Variants in DCAF5 observed in about 807,000 individuals in gnomAD.
The protein encoded by DCAF5 is DDB1- and CUL4-associated factor 5.
DCAF5 carries 9 observed loss-of-function variants against 80.7 expected under a neutral mutation model. That is an observed-to-expected ratio of 0.11 (90% confidence interval 0.07 to 0.19). The LOEUF (loss-of-function observed/expected upper bound fraction) is 0.19. Ranked by LOEUF, DCAF5 falls within the 10% of genes least tolerant of loss-of-function variation. The pLI is 1.00. For missense variants in DCAF5, 842 were observed against 1,205.7 expected (o/e 0.70, Z 4.47); for synonymous variants, 433 against 461.9 (o/e 0.94, Z 0.80).
chr14:69,150,285 C>G (rs189178574), intron 1 of DCAF5, among the ~76,000 whole-genome samples: 2 of 152,128 alleles, frequency 1.3e-5, no homozygotes, highest in Admixed American at 1.3e-4. Flanking sequence ...AGGCTGGAAC[C>G]CAGGAAGTAC....
chr14:69,151,757 G>A (rs1022149440), intron 1 of DCAF5, among the ~76,000 whole-genome samples: 12 of 152,096 alleles, frequency 7.9e-5, no homozygotes, highest in African/African-American at 2.7e-4. Context: ...GGCAGCTGTC[G>A]CCGCGGCCCG....
chr14:69,087,438 T>C (rs2039376674), intron 6 of DCAF5, among the ~76,000 whole-genome samples: 1 of 152,216 alleles, frequency 6.6e-6, no homozygotes. Context: ...CCGCACTATA[T>C]TGCAAGACTA....
intron 8 of DCAF5, among the ~76,000 whole-genome samples, chr14:69,058,261 G>A (rs1266451225): frequency 2.0e-5 from 3 of 152,172 alleles, no homozygotes; most frequent in Non-Finnish European, 4.4e-5. Flanking sequence ...GCTCAAGCCT[G>A]TAATCCTAGC....
chr14:69,061,227 A>C (rs2038204463), intron 8 of DCAF5, among the ~76,000 whole-genome samples: 1 of 152,034 alleles, frequency 6.6e-6, no homozygotes, highest in Non-Finnish European at 1.5e-5. Context: ...CCTGGGCTCA[A>C]GTGATCCTTT....
chr14:69,093,493 G>C (rs965588726), intron 5 of DCAF5, among the ~76,000 whole-genome samples: 7 of 152,174 alleles, frequency 4.6e-5, no homozygotes, highest in African/African-American at 1.7e-4. Context: ...TACCAGAAGA[G>C]AGTTAATATT....
chr14:69,078,124 T>A (rs765676785), intron 6 of DCAF5, among the ~76,000 whole-genome samples: 1 of 152,198 alleles, frequency 6.6e-6, no homozygotes, highest in Non-Finnish European at 1.5e-5. Context: ...AGGAAACTCA[T>A]AAGGCCAGTC....
At chr14:69,090,441 C>T (rs1209357521) in intron 6 of DCAF5, 1 of 152,194 alleles carries the variant, frequency 6.6e-6, no homozygotes, top group Admixed American at 6.5e-5. Flanking sequence ...CCTAAGACTC[C>T]AACATGAGTA....
At chr14:69,098,949 C>T (rs1274823059) in intron 5 of DCAF5, among the ~76,000 whole-genome samples, 1 of 139,480 alleles carries the variant, frequency 7.2e-6, no homozygotes, top group African/African-American at 2.7e-5. Flanking sequence ...TGACTTAAAA[C>T]GTTTTTAAAA....
At chr14:69,103,948 T>C (rs2040048282) in intron 5 of DCAF5, among the ~76,000 whole-genome samples, 1 of 152,228 alleles carries the variant, frequency 6.6e-6, no homozygotes, top group Admixed American at 6.5e-5. Context: ...GTTAGTTCCT[T>C]TTCATCACTG....
At chr14:69,065,603 G>A (rs1052331332) in intron 7 of DCAF5, among the ~76,000 whole-genome samples, 1 of 152,124 alleles carries the variant, frequency 6.6e-6, no homozygotes, top group Non-Finnish European at 1.5e-5. Context: ...GCTTCAGAGA[G>A]GTTTTTCATA....
intron 2 of DCAF5, among the ~76,000 whole-genome samples, chr14:69,120,008 A>G (rs2040666521): frequency 6.6e-6 from 1 of 152,262 alleles, no homozygotes; most frequent in South Asian, 2.1e-4. Context: ...TAATATTTCT[A>G]TCCTCATGGT....
At position 69,118,310 on chromosome 14, in the gene DCAF5, C is replaced by T; in HGVS notation, c.396-32G>A. On this transcript the variant is annotated intron_variant, in intron 3 of 8. Coordinates refer to ENST00000341516, the MANE Select transcript of DCAF5 (RefSeq NM_003861.3). The surrounding 1 kb of genome is among the most constrained non-coding windows in gnomAD (Gnocchi z 4.0). ...GATAAGAGAGCAAGACAGAGGCACA[C>T]ACATACACACAAGCATAGTGCAGAG... is the stretch of plus-strand genomic sequence containing the variant. 1 of 1,610,564 alleles carries T rather than the reference C, an allele frequency of 6.2e-7. No homozygotes were observed. The highest frequency in any genetic ancestry group is 8.5e-7 in the Non-Finnish European group (1 of 1,177,728).
At chr14:69,140,110 A>G (rs1332295885) in intron 1 of DCAF5, among the ~76,000 whole-genome samples, 1 of 152,032 alleles carries the variant, frequency 6.6e-6, no homozygotes, top group Non-Finnish European at 1.5e-5. Flanking sequence ...TACTAAAACT[A>G]CAAAAAATTA....
intron 1 of DCAF5, among the ~76,000 whole-genome samples, chr14:69,138,765 C>G (rs1167457353): frequency 6.6e-6 from 1 of 152,156 alleles, no homozygotes; most frequent in Non-Finnish European, 1.5e-5. Context: ...TTCTGTAATT[C>G]TACAGAGACA....
chr14:69,067,162 C>G (rs1009300404), intron 7 of DCAF5, among the ~76,000 whole-genome samples: 4 of 152,074 alleles, frequency 2.6e-5, no homozygotes, highest in African/African-American at 7.2e-5. Flanking sequence ...TCCCAAGTCT[C>G]TAGAACTGTG....
intron 8 of DCAF5, among the ~76,000 whole-genome samples, chr14:69,060,719 A>T (rs138920004): frequency 1.1e-3 from 171 of 152,168 alleles, no homozygotes; most frequent in Non-Finnish European, 1.9e-3. Context: ...TTTAGTAGAG[A>T]CAGGGTTTCA....
chr14:69,063,855 G>A (rs1299935071), intron 7 of DCAF5, among the ~76,000 whole-genome samples: 2 of 152,020 alleles, frequency 1.3e-5, no homozygotes. Context: ...CCAGCTTTAG[G>A]TGCTCAATCT....
Position 69,062,364 on chromosome 14 carries a change from AG to A in DCAF5, c.1074+19del, listed in dbSNP as rs761368086. 2.7e-5 allele frequency: 44 copies of A among 1,611,322 alleles called. 2 individuals carry two copies. The Admixed American group carries it at 5.0e-4, about 18-fold the overall frequency. On this transcript the variant is annotated intron_variant, in intron 8 of 8. Coordinates refer to ENST00000341516, the MANE Select transcript of DCAF5 (RefSeq NM_003861.3). ...ATTGTGAGAATTTCTCTAAAAGGAC[AG>A]AAGGGGAAGGTGCCTCACCTTGATA...
In DCAF5 at chr14:69,054,569, G is replaced by C. The variant is rs2037879746; in HGVS notation, c.2117C>G (p.Ser706Cys). 1.2e-6 allele frequency: 2 copies of C among 1,614,100 alleles called. No homozygotes were observed. The highest frequency in any genetic ancestry group is 1.3e-5 in the African/African-American group (1 of 74,944). The change falls in exon 9 of 9, where the codon TCC (serine) becomes TGC (cysteine). Residue 706 changes from serine (S) to cysteine (C), a missense_variant. Around this residue, in one of 5 missense-constraint regions of DCAF5, gnomAD observed 607 missense variants for 656.6 expected, o/e 0.92. Coordinates refer to ENST00000341516, the MANE Select transcript of DCAF5 (RefSeq NM_003861.3). The part of the protein sequence containing the change: ...TSHKDNPAPS[S>C]SKEACLNIAM... ...TATGTTTAGACAGGCTTCCTTACTG[G>C]AAGAAGGGGCTGGGTTGTCTTTGTG...
Sources: gnomAD v4.1 joint callset for allele counts (sites outside exome capture counted in the v4.1 genomes callset) on GRCh38, gnomAD v4.1.1 for gene constraint, gnomAD v4.1.1 regional missense constraint, Gnocchi (gnomAD v3.1) non-coding constraint, MANE v1.5 for transcripts, NCBI Gene and HGNC (gene_info 2026-07-23, HGNC 2026-07-21) for gene names.